The following TRPC4 variants were observed in gnomAD, a reference collection of about 807,000 sequenced individuals.
TRPC4 encodes the protein transient receptor potential cation channel subfamily C member 4.
Under a neutral mutation model 99.4 loss-of-function variants are expected in TRPC4, and 49 were observed. The observed-to-expected ratio is 0.49, with a 90% CI of 0.39 to 0.63. The LOEUF is 0.63. Ranked by LOEUF, TRPC4 falls within the 20% of genes least tolerant of loss-of-function variation. The pLI is 0.00. For missense variants in TRPC4, 898 were observed against 1,152.9 expected (o/e 0.78, Z 3.20); for synonymous variants, 454 against 425.9 (o/e 1.07, Z -0.81).
intron 1 of TRPC4, among the ~76,000 whole-genome samples, chr13:37,866,854 G>GGGGGGGGGT (rs556365024): frequency 1.8e-5 from 2 of 111,860 alleles, no homozygotes; most frequent in Non-Finnish European, 3.5e-5. Flanking sequence ...TGTGGGGGGG[G>GGGGGGGGGT]GCGGGTATAG....
At chr13:37,862,246 GGTTT>G (rs1413584698) in intron 1 of TRPC4, among the ~76,000 whole-genome samples, 284 of 151,516 alleles carry the variant, frequency 1.9e-3, no homozygotes, top group African/African-American at 6.7e-3. Flanking sequence ...TGCCTTCTTA[GGTTT>G]GCTTCATTGG....
chr13:37,732,005 A>G (rs987502706), intron 3 of TRPC4, among the ~76,000 whole-genome samples: 2 of 152,156 alleles, frequency 1.3e-5, no homozygotes, highest in African/African-American at 4.8e-5. Context: ...CCATCAAGGT[A>G]TTATACAAAT....
intron 8 of TRPC4, among the ~76,000 whole-genome samples, chr13:37,644,598 C>G (rs928396552): frequency 6.6e-6 from 1 of 151,960 alleles, no homozygotes; most frequent in East Asian, 1.9e-4. Context: ...TGGCCGGGCG[C>G]GGTGGTTCAC....
At position 37,733,773 on chromosome 13, in the gene TRPC4, A is replaced by T. The variant is rs184285924; in HGVS notation, c.897+12164T>A. On this transcript the variant is annotated intron_variant, in intron 3 of 10. Coordinates refer to ENST00000379705, the MANE Select transcript of TRPC4 (RefSeq NM_016179.4). ...TCTAAGCACTGTTTCAGGGATTGAA[A>T]CTGCACTAATAATCAAATCAGATAA... Among the ~76,000 whole-genome samples, 562 of 152,270 alleles carry T rather than the reference A, an allele frequency of 3.7e-3. 3 individuals carry two copies. Among genetic ancestry groups the T allele is most frequent in the Middle Eastern group, 6.8e-3 (2 of 294 alleles).
intron 2 of TRPC4, among the ~76,000 whole-genome samples, chr13:37,758,013 G>A (rs1956137272): frequency 6.6e-6 from 1 of 151,844 alleles, no homozygotes; most frequent in South Asian, 2.1e-4. Context: ...TGACATGTGG[G>A]CCTGTATATT....
chr13:37,765,503 A>C (rs1018046030), intron 2 of TRPC4, among the ~76,000 whole-genome samples: 2 of 151,426 alleles, frequency 1.3e-5, no homozygotes, highest in African/African-American at 4.8e-5. Context: ...TAGATTTTAA[A>C]GTCTTTTGAA....
chr13:37,816,572 GCAA>G (rs1957861477), intron 1 of TRPC4, among the ~76,000 whole-genome samples: 1 of 151,598 alleles, frequency 6.6e-6, no homozygotes, highest in African/African-American at 2.4e-5. Context: ...CAGAAATACA[GCAA>G]CAACAATTTC....
intron 1 of TRPC4, among the ~76,000 whole-genome samples, chr13:37,852,724 A>G (rs1959090616): frequency 6.6e-6 from 1 of 152,030 alleles, no homozygotes; most frequent in African/African-American, 2.4e-5. Context: ...GCCAGAAGGG[A>G]GCCCGCTACC....
chr13:37,727,091 G>T lies in TRPC4; in HGVS notation c.897+18846C>A, dbSNP rs1311679872. ...CACAATAAGCCAATTAGATCTAACA[G>T]ACATATGCAGAGCACTCTACCCAAC... On this transcript the variant is annotated intron_variant, in intron 3 of 10. Transcript: ENST00000379705. Among the ~76,000 whole-genome samples, 3 of 151,992 alleles carry T rather than the reference G, an allele frequency of 2.0e-5. No homozygotes were observed. The East Asian group carries it at 5.8e-4, about 29-fold the overall frequency.
intron 5 of TRPC4, among the ~76,000 whole-genome samples, chr13:37,667,684 C>G (rs940626178): frequency 2.0e-5 from 3 of 152,148 alleles, no homozygotes; most frequent in African/African-American, 7.2e-5. Flanking sequence ...CAACATTGTC[C>G]TTGAGATGAC....
chr13:37,766,612 C>T (rs1206229769), intron 2 of TRPC4, among the ~76,000 whole-genome samples: 1 of 151,326 alleles, frequency 6.6e-6, no homozygotes. Flanking sequence ...ATAGCAAAGT[C>T]AGAGATACAT....
intron 1 of TRPC4, among the ~76,000 whole-genome samples, chr13:37,832,374 T>C (rs1040599503): frequency 6.6e-6 from 1 of 152,006 alleles, no homozygotes; most frequent in Admixed American, 6.6e-5. Flanking sequence ...AAACCCTGAC[T>C]CTACTAAAAA....
intron 5 of TRPC4, among the ~76,000 whole-genome samples, chr13:37,669,309 C>T (rs1194069387): frequency 6.6e-6 from 1 of 152,076 alleles, no homozygotes. Flanking sequence ...TAGAAATAAA[C>T]CAGCCCTAAT....
intron 1 of TRPC4, among the ~76,000 whole-genome samples, chr13:37,867,998 T>C (rs1471567832): frequency 6.6e-6 from 1 of 152,142 alleles, no homozygotes; most frequent in African/African-American, 2.4e-5. Flanking sequence ...AGATTGCTTC[T>C]GTTATTTCCT....
rs59525799 is a variant in TRPC4 at position 37,855,337 on chromosome 13, G to GATATATATATATATATATATATATATAT, written c.-28+14257_-28+14258insATATATATATATATATATATATATATAT. On this transcript the variant is annotated intron_variant, in intron 1 of 10. Transcript: ENST00000379705. The stretch of plus-strand genomic sequence containing the variant: ...TACACATGTAGATATATACAATGTA[G>GATATATATATATATATATATATATATAT]ATATATATATATATATATATGCACC... Among the ~76,000 whole-genome samples the GATATATATATATATATATATATATATAT allele has an allele frequency of 1.1e-3, 146 of 136,492 alleles. 3 individuals carry two copies. The highest frequency in any genetic ancestry group is 2.1e-3 in the African/African-American group (73 of 35,440). The allele number at this position is 136,492 out of a possible 152,430, so 89.5% of individuals were successfully genotyped here.
At chr13:37,659,449 C>T (rs1952356770) in intron 6 of TRPC4, among the ~76,000 whole-genome samples, 1 of 152,126 alleles carries the variant, frequency 6.6e-6, no homozygotes, top group African/African-American at 2.4e-5. Flanking sequence ...AAATAAACCT[C>T]TTTTCTTTAT....
At chr13:37,703,241 C>A (rs1191462848) in intron 3 of TRPC4, among the ~76,000 whole-genome samples, 1 of 152,060 alleles carries the variant, frequency 6.6e-6, no homozygotes, top group African/African-American at 2.4e-5. Context: ...CACTTGAAAG[C>A]CACACAGGTA....
chr13:37,752,075 C>CTATATATATGTA (rs1555266914), intron 2 of TRPC4, among the ~76,000 whole-genome samples: 1,406 of 73,958 alleles, frequency 0.019, 267 homozygotes, highest in African/African-American at 0.07. Context: ...AAGCAGAAAA[C>CTATATATATGTA]TATATATATA....
intron 6 of TRPC4, among the ~76,000 whole-genome samples, chr13:37,658,724 A>G (rs1041228496): frequency 7.9e-5 from 12 of 152,204 alleles, no homozygotes; most frequent in African/African-American, 2.7e-4. Flanking sequence ...AATAGTTTCA[A>G]CAACTAAATA....
Sources: allele counts gnomAD v4.1 joint callset (sites outside exome capture counted in the v4.1 genomes callset), GRCh38; gene constraint gnomAD v4.1.1; transcripts MANE v1.5; gene names NCBI Gene and HGNC (gene_info 2026-07-23, HGNC 2026-07-21).